Variants in SMARCC1 observed in about 807,000 individuals in gnomAD.
SMARCC1 encodes SWI/SNF complex subunit SMARCC1.
A neutral mutation model predicts 147.4 loss-of-function variants in SMARCC1; 43 were observed. The ratio of observed to expected loss-of-function variants is 0.29; its 90% confidence interval spans 0.23 to 0.38. The LOEUF (loss-of-function observed/expected upper bound fraction) is 0.38, where lower values mean the gene tolerates loss of function less well. Among genes scored for constraint, SMARCC1 ranks in the 10% least tolerant of loss-of-function variants. The pLI, the probability that SMARCC1 is intolerant of heterozygous loss-of-function variation, is 1.00. For missense variants in SMARCC1, 1,119 were observed against 1,381.1 expected, an observed-to-expected ratio of 0.81 and a Z score of 3.01; for synonymous variants, 495 against 484.4, an observed-to-expected ratio of 1.02 and a Z score of -0.29.
intron 25 of SMARCC1, among the ~76,000 whole-genome samples, chr3:47,616,003 T>C (rs960481419): frequency 6.6e-6 from 1 of 152,200 alleles, no homozygotes; most frequent in Non-Finnish European, 1.5e-5. Context: ...ATAAAATTTC[T>C]ATACCTAGCC....
At chr3:47,590,413 G>A (rs2032158087) in intron 27 of SMARCC1, among the ~76,000 whole-genome samples, 1 of 152,166 alleles carries the variant, frequency 6.6e-6, no homozygotes, top group Non-Finnish European at 1.5e-5. Context: ...ATATCTTTAT[G>A]GCCCCAATGC....
At chr3:47,774,703 C>T (rs2034954445) in intron 1 of SMARCC1, among the ~76,000 whole-genome samples, 1 of 152,056 alleles carries the variant, frequency 6.6e-6, no homozygotes, top group Admixed American at 6.6e-5. Flanking sequence ...AGTACTGTGC[C>T]CAGCCAATTT....
intron 1 of SMARCC1, among the ~76,000 whole-genome samples, chr3:47,778,789 C>T (rs1317329128): frequency 6.6e-6 from 1 of 152,032 alleles, no homozygotes; most frequent in Non-Finnish European, 1.5e-5. Flanking sequence ...GAGTTCGAGA[C>T]CAGCCTGGGC....
At position 47,633,544 on chromosome 3, in the gene SMARCC1, G is replaced by A. The variant is rs1260204074; in HGVS notation, c.2646+1646C>T. ...GAATCACCTGAGGTCAGGAGTTCAA[G>A]ACCAGCCTGATCAATATGGCAAAAC... is the stretch of plus-strand genomic sequence containing the variant. On this transcript the variant is annotated intron_variant, in intron 24 of 27. Coordinates refer to ENST00000254480, the MANE Select transcript of SMARCC1 (RefSeq NM_003074.4). 2.0e-5 allele frequency among the ~76,000 whole-genome samples: 3 copies of A among 151,686 alleles called. No homozygotes were observed. In the East Asian group the frequency reaches 5.8e-4, roughly 29 times the overall value.
chr3:47,687,558 T>A (rs184954509), intron 13 of SMARCC1, among the ~76,000 whole-genome samples: 1 of 152,320 alleles, frequency 6.6e-6, no homozygotes, highest in East Asian at 1.9e-4. Context: ...AATCCTCTTA[T>A]CTTTGGCATT....
In SMARCC1 at chr3:47,670,588, TAAAAC is replaced by T. The variant is rs376539824; in HGVS notation, c.1899+65_1899+69del. 2,778 of 1,047,520 alleles carry T rather than the reference TAAAAC, an allele frequency of 2.7e-3. 53 individuals carry two copies. The African/African-American group carries it at 0.037, about 14-fold the overall frequency. 64.9% of individuals were successfully genotyped at this position (1,047,520 alleles called of 1,614,324 possible). A position where few individuals can be genotyped will look rare whatever the true frequency, so the allele number is the denominator to read the frequency against. On this transcript the variant is annotated intron_variant, in intron 19 of 27. Coordinates refer to ENST00000254480, the MANE Select transcript of SMARCC1 (RefSeq NM_003074.4). Reference sequence around the variant, plus strand: ...GACACAGCGAGACCCTGCCTCTAAATAAAACAAAACAAAATAAAATGCTAGTCAAA... The same window carrying T: ...GACACAGCGAGACCCTGCCTCTAAATAAAACAAAATAAAATGCTAGTCAAA...
rs1553689188 is a variant in SMARCC1, at chr3:47,740,869, A to AAC, written c.402-2760_402-2759insGT. 6.8e-4 allele frequency among the ~76,000 whole-genome samples: 103 copies of AAC among 150,696 alleles called. 1 individual carries two copies. Among genetic ancestry groups the AAC allele is most frequent in the African/African-American group, 1.8e-3 (75 of 40,752 alleles). On this transcript the variant is annotated intron_variant, in intron 3 of 27. Transcript: ENST00000254480. ...CTGACTCAAAAAAAAAAAAAAAAAAACAAAAACCTACAATCTAATTTTCAA... is the reference window on the plus strand; with the variant it reads ...CTGACTCAAAAAAAAAAAAAAAAAAAACCAAAAACCTACAATCTAATTTTCAA...
At chr3:47,639,632 T>C (rs906225911) in intron 21 of SMARCC1, among the ~76,000 whole-genome samples, 1 of 152,060 alleles carries the variant, frequency 6.6e-6, no homozygotes, top group Non-Finnish European at 1.5e-5. Flanking sequence ...GAGAATCACT[T>C]GAACCAAGGA....
In SMARCC1 at chr3:47,661,403, A is replaced by G. The variant is rs754124784; in HGVS notation, c.2211T>C (p.His737=). The part of the protein sequence containing the change: ...EEVPLELVEA[H]VKKVQEAARA... ...GTGCTGCTTCTTGTACTTTCTTGAC[A>G]TGAGCTTCAACCAATTCCAGTGGTA... The change falls in exon 21 of 28, where the codon CAT becomes CAC. Residue 737 remains histidine, a synonymous_variant. Coordinates refer to ENST00000254480, the MANE Select transcript of SMARCC1 (RefSeq NM_003074.4). 175 of 1,613,734 alleles carry G rather than the reference A, an allele frequency of 1.1e-4. No homozygotes were observed. The highest frequency in any genetic ancestry group is 1.4e-4 in the Non-Finnish European group (169 of 1,179,938).
At chr3:47,604,636 G>A (rs186033576) in intron 26 of SMARCC1, 6 of 193,818 alleles carry the variant, frequency 3.1e-5, no homozygotes, top group African/African-American at 7.1e-5. Flanking sequence ...TCAGACCTAC[G>A]TGCTAGAACC....
rs980496548 is a variant in SMARCC1 at position 47,670,906 on chromosome 3, C to T, written c.1840-189G>A. On this transcript the variant is annotated intron_variant, in intron 18 of 27. Transcript: ENST00000254480. ...AATGCTGGCTTATTTCAAAGACTGG[C>T]CAGGCGTGGTAGCTCCTGCCTGTAA... 7.4e-4 allele frequency among the ~76,000 whole-genome samples: 112 copies of T among 152,002 alleles called. 2 individuals carry two copies. Among genetic ancestry groups the T allele is most frequent in the African/African-American group, 2.5e-3 (104 of 41,374 alleles).
intron 2 of SMARCC1, among the ~76,000 whole-genome samples, chr3:47,749,658 C>A (rs922699868): frequency 2.0e-5 from 3 of 150,062 alleles, no homozygotes; most frequent in Admixed American, 2.0e-4. Context: ...CAAAGTGAGA[C>A]CCTCTAAATT....
intron 13 of SMARCC1, among the ~76,000 whole-genome samples, chr3:47,687,135 T>C (rs990571521): frequency 6.6e-6 from 1 of 152,208 alleles, no homozygotes; most frequent in Non-Finnish European, 1.5e-5. Context: ...TATAACAGTT[T>C]CTATAAGAAT....
At chr3:47,647,358 C>T (rs2033131267) in intron 21 of SMARCC1, among the ~76,000 whole-genome samples, 1 of 152,138 alleles carries the variant, frequency 6.6e-6, no homozygotes, top group Non-Finnish European at 1.5e-5. Context: ...CGTTAGCAAG[C>T]TTTGTGTTAC....
chr3:47,602,284 C>T (rs2032400143), intron 26 of SMARCC1, among the ~76,000 whole-genome samples: 1 of 151,972 alleles, frequency 6.6e-6, no homozygotes. Context: ...ACAGCAAAAC[C>T]CTGTCTCAAA....
intron 26 of SMARCC1, chr3:47,604,367 T>C (rs1279205215): frequency 2.2e-6 from 1 of 448,608 alleles, no homozygotes; most frequent in Non-Finnish European, 4.5e-6. Context: ...AGCTGATTAT[T>C]CCCATCATAT....
chr3:47,658,482 G>C (rs975503184), intron 21 of SMARCC1, among the ~76,000 whole-genome samples: 2 of 152,186 alleles, frequency 1.3e-5, no homozygotes, highest in Non-Finnish European at 2.9e-5. Flanking sequence ...TGTTTTTATA[G>C]ATTTCCCTCT....
intron 7 of SMARCC1, among the ~76,000 whole-genome samples, chr3:47,719,502 A>C (rs2034204163): frequency 6.6e-6 from 1 of 151,722 alleles, no homozygotes; most frequent in Non-Finnish European, 1.5e-5. Context: ...GGAGTGCAAG[A>C]CCAGCCTGAC....
At chr3:47,736,234 A>G in intron 4 of SMARCC1, 108 bp from the exon 5 acceptor site, 1 of 618,806 alleles carries the variant, frequency 1.6e-6, no homozygotes, top group Non-Finnish European at 2.8e-6. Flanking sequence ...GCCACAAAAA[A>G]TATTGAGAAG....
Sources: allele counts gnomAD v4.1 joint callset (sites outside exome capture counted in the v4.1 genomes callset), GRCh38; gene constraint gnomAD v4.1.1; transcripts MANE v1.5; gene names NCBI Gene and HGNC (gene_info 2026-07-23, HGNC 2026-07-21).